The following FSHR variants were observed in gnomAD, a reference collection of about 807,000 sequenced individuals.
The protein encoded by FSHR is follicle-stimulating hormone receptor.
In FSHR, 46 loss-of-function variants were observed where a neutral mutation model predicts 52.1. That is an observed-to-expected ratio of 0.88 (90% CI 0.70 to 1.13). FSHR has a LOEUF of 1.13. Ranked by LOEUF, FSHR falls within the 50% of genes most tolerant of loss-of-function variation. The probability of loss-of-function intolerance (pLI) is 0.00; values close to 1 mark genes in which losing one functional copy is unlikely to be tolerated. For synonymous variants in FSHR, 399 were observed against 309.6 expected (o/e 1.29, Z -3.03); for missense variants, 964 against 834.6 (o/e 1.16, Z -1.91).
chr2:49,116,036 G>A (rs1671585528), intron 1 of FSHR, among the ~76,000 whole-genome samples: 1 of 152,136 alleles, frequency 6.6e-6, no homozygotes, highest in African/African-American at 2.4e-5. Flanking sequence ...AAGAGAGCGA[G>A]GAGACTATTT....
At chr2:49,133,678 G>C (rs140950818) in intron 1 of FSHR, among the ~76,000 whole-genome samples, 5,554 of 152,156 alleles carry the variant, frequency 0.037, 136 homozygotes, top group Middle Eastern at 0.075. Flanking sequence ...ATACTATAAG[G>C]CTACAATAAC....
chr2:49,105,948 C>A (rs950986981), intron 1 of FSHR, among the ~76,000 whole-genome samples: 1 of 152,168 alleles, frequency 6.6e-6, no homozygotes, highest in African/African-American at 2.4e-5. Flanking sequence ...CTCCCAAAAG[C>A]AAACTGGGCA....
chr2:49,085,813 A>G (rs1190993454), intron 1 of FSHR, among the ~76,000 whole-genome samples: 1 of 152,176 alleles, frequency 6.6e-6, no homozygotes, highest in Non-Finnish European at 1.5e-5. Flanking sequence ...TGTCCTTTGT[A>G]GGGACATGGA....
At chr2:49,022,171 C>T (rs1321245814) in intron 2 of FSHR, among the ~76,000 whole-genome samples, 1 of 151,936 alleles carries the variant, frequency 6.6e-6, no homozygotes, top group East Asian at 2.0e-4. Flanking sequence ...GGTTCACTAG[C>T]AGTTAGCAGT....
chr2:48,992,164 G>T (rs1037222631), intron 4 of FSHR, among the ~76,000 whole-genome samples: 4 of 151,958 alleles, frequency 2.6e-5, no homozygotes, highest in African/African-American at 9.7e-5. Context: ...TGAAGGATTT[G>T]TTGTGTTGTT....
intron 1 of FSHR, among the ~76,000 whole-genome samples, chr2:49,070,641 A>G (rs376112121): frequency 7.9e-5 from 12 of 152,286 alleles, no homozygotes; most frequent in African/African-American, 2.4e-4. Flanking sequence ...GTCAACTACA[A>G]AGCATTTTTT....
chr2:48,982,064 G>A (rs1047942406), intron 8 of FSHR, among the ~76,000 whole-genome samples: 1 of 152,020 alleles, frequency 6.6e-6, no homozygotes, highest in African/African-American at 2.4e-5. Context: ...AGTGTAGTAG[G>A]TCTTGCTTAG....
intron 4 of FSHR, among the ~76,000 whole-genome samples, chr2:48,999,552 G>A (rs1166807607): frequency 6.6e-6 from 1 of 152,080 alleles, no homozygotes; most frequent in African/African-American, 2.4e-5. Context: ...CCAAGTAACT[G>A]TATGGAGGGT....
At chr2:49,003,059 C>G (rs1666961670) in intron 4 of FSHR, among the ~76,000 whole-genome samples, 1 of 152,238 alleles carries the variant, frequency 6.6e-6, no homozygotes, top group East Asian at 1.9e-4. Flanking sequence ...AGCTCACTGC[C>G]TCTTGAACTA....
At chr2:48,997,092 A>C in intron 4 of FSHR, 1 of 259,244 alleles carries the variant, frequency 3.9e-6, no homozygotes, top group Non-Finnish European at 6.0e-6. Context: ...AAGAAGGCGT[A>C]TGAAAAAGGT....
intron 2 of FSHR, among the ~76,000 whole-genome samples, chr2:49,041,038 C>T (rs1408353943): frequency 3.3e-5 from 5 of 152,182 alleles, no homozygotes; most frequent in Admixed American, 2.0e-4. Flanking sequence ...AGTTTAAAGG[C>T]TTTGCATTTG....
At chr2:48,994,215 G>A (rs192951590) in intron 4 of FSHR, among the ~76,000 whole-genome samples, 9 of 152,236 alleles carry the variant, frequency 5.9e-5, no homozygotes, top group East Asian at 1.9e-4. Flanking sequence ...CTCATTCAAC[G>A]TTATTTGGGT....
At chr2:49,017,208 T>G (rs552559681) in intron 4 of FSHR, among the ~76,000 whole-genome samples, 2 of 152,346 alleles carry the variant, frequency 1.3e-5, no homozygotes, top group East Asian at 3.9e-4. Context: ...TAACACTAAA[T>G]TATGACTGAG....
intron 2 of FSHR, among the ~76,000 whole-genome samples, chr2:49,043,955 G>C (rs1351937908): frequency 6.6e-6 from 1 of 152,162 alleles, no homozygotes; most frequent in South Asian, 2.1e-4. Context: ...GCCTGACATA[G>C]ATCTAACTCC....
At chr2:49,117,663 C>G (rs773703098) in intron 1 of FSHR, among the ~76,000 whole-genome samples, 1 of 152,114 alleles carries the variant, frequency 6.6e-6, no homozygotes, top group African/African-American at 2.4e-5. Flanking sequence ...TAACTGTGTA[C>G]CAATAAGTTA....
intron 4 of FSHR, among the ~76,000 whole-genome samples, chr2:48,994,350 T>C (rs1396305825): frequency 1.3e-5 from 2 of 152,158 alleles, no homozygotes; most frequent in Admixed American, 1.3e-4. Context: ...TGAGCTTCCA[T>C]AGCCACTGTA....
intron 4 of FSHR, among the ~76,000 whole-genome samples, chr2:49,004,476 C>T (rs1280085511): frequency 6.6e-6 from 1 of 152,120 alleles, no homozygotes; most frequent in Non-Finnish European, 1.5e-5. Flanking sequence ...CGTGTGGGGC[C>T]TGAATATGAT....
intron 4 of FSHR, among the ~76,000 whole-genome samples, chr2:48,994,768 G>A (rs1200523701): frequency 6.6e-6 from 1 of 152,126 alleles, no homozygotes; most frequent in African/African-American, 2.4e-5. Flanking sequence ...TTAAAGGCCT[G>A]AGGGTAAAAT....
chr2:49,005,794 T>C (rs1667055018), intron 4 of FSHR, among the ~76,000 whole-genome samples: 1 of 152,166 alleles, frequency 6.6e-6, no homozygotes, highest in African/African-American at 2.4e-5. Context: ...TGCCCTGTGA[T>C]GGTTAATATT....
Sources: gnomAD v4.1 joint callset for allele counts (sites outside exome capture counted in the v4.1 genomes callset) on GRCh38, gnomAD v4.1.1 for gene constraint, MANE v1.5 for transcripts, NCBI Gene and HGNC (gene_info 2026-07-23, HGNC 2026-07-21) for gene names.